The following PPFIBP1 variants were observed in gnomAD, a reference collection of about 807,000 sequenced individuals.
PPFIBP1 encodes liprin-beta-1.
Under a neutral mutation model 137.8 loss-of-function variants are expected in PPFIBP1, and 112 were observed. That is an observed-to-expected ratio of 0.81 (90% confidence interval 0.70 to 0.95). The LOEUF (loss-of-function observed/expected upper bound fraction) is 0.95. Ranked by LOEUF, PPFIBP1 falls within the 40% of genes least tolerant of loss-of-function variation. The pLI is 0.00. For synonymous variants in PPFIBP1, 378 were observed against 417.3 expected (o/e 0.91, Z 1.15); for missense variants, 1,083 against 1,196.6 (o/e 0.91, Z 1.40).
At chr12:27,598,579 C>T (rs1381626586) in intron 2 of PPFIBP1, among the ~76,000 whole-genome samples, 4 of 147,778 alleles carry the variant, frequency 2.7e-5, no homozygotes, top group East Asian at 2.0e-4. Context: ...TGTGTGTGTA[C>T]ACAACTTTGA....
chr12:27,646,933 C>A (rs144265307), intron 5 of PPFIBP1, among the ~76,000 whole-genome samples: 4 of 152,212 alleles, frequency 2.6e-5, no homozygotes, highest in South Asian at 2.1e-4. Flanking sequence ...AGTTGCCCCC[C>A]CTGACTTTGA....
At chr12:27,525,129 G>C (rs1943581283) in intron 1 of PPFIBP1, among the ~76,000 whole-genome samples, 1 of 152,108 alleles carries the variant, frequency 6.6e-6, no homozygotes, top group African/African-American at 2.4e-5. Context: ...AGTTTTAACA[G>C]GGAAACGCGG....
intron 4 of PPFIBP1, among the ~76,000 whole-genome samples, chr12:27,638,753 GAA>G (rs1404908176): frequency 2.6e-5 from 4 of 152,176 alleles, no homozygotes; most frequent in Non-Finnish European, 5.9e-5. Context: ...TTCTTGCAAT[GAA>G]AGAGTACAAA....
At chr12:27,618,456 C>A (rs2056003901) in intron 2 of PPFIBP1, among the ~76,000 whole-genome samples, 1 of 152,232 alleles carries the variant, frequency 6.6e-6, no homozygotes, top group Admixed American at 6.5e-5. Flanking sequence ...GCTTTATCTG[C>A]ATGATAAAAC....
intron 4 of PPFIBP1, chr12:27,635,456 G>T (rs948688333): frequency 2.6e-5 from 11 of 426,244 alleles, no homozygotes; most frequent in Admixed American, 1.9e-4. Flanking sequence ...GTCATATTGG[G>T]TTATTCACCA....
chr12:27,645,882 CTGTCT>C (rs2058441188), intron 4 of PPFIBP1, among the ~76,000 whole-genome samples, 175 bp from the exon 5 acceptor site: 2 of 152,200 alleles, frequency 1.3e-5, no homozygotes, highest in Admixed American at 1.3e-4. Context: ...CTTAACATGC[CTGTCT>C]TACCTCTTTT....
At chr12:27,559,227 A>T (rs535895401) in intron 1 of PPFIBP1, among the ~76,000 whole-genome samples, 1 of 151,734 alleles carries the variant, frequency 6.6e-6, no homozygotes, top group Non-Finnish European at 1.5e-5. Context: ...GCTGGAGTGT[A>T]GTGCAGTCTC....
intron 1 of PPFIBP1, among the ~76,000 whole-genome samples, chr12:27,525,071 A>C (rs899792333): frequency 2.0e-5 from 3 of 152,010 alleles, no homozygotes; most frequent in Non-Finnish European, 2.9e-5. Context: ...TGGCTGCTTG[A>C]GGGGCGAGCT....
intron 1 of PPFIBP1, among the ~76,000 whole-genome samples, chr12:27,534,322 T>G (rs1167480585): frequency 1.3e-5 from 2 of 152,058 alleles, no homozygotes; most frequent in Non-Finnish European, 2.9e-5. Flanking sequence ...GGGATACGAA[T>G]TGAGTAAGTT....
At chr12:27,656,814 G>A in intron 9 of PPFIBP1, 84 bp downstream of exon 9, 1 of 945,070 alleles carries the variant, frequency 1.1e-6, no homozygotes, top group Non-Finnish European at 1.7e-6. Flanking sequence ...AAATCAATGT[G>A]TAGTTTTAGC....
At chr12:27,593,751 C>A in intron 2 of PPFIBP1, 1 of 690,344 alleles carries the variant, frequency 1.4e-6, no homozygotes. Flanking sequence ...GTTGTCAGAG[C>A]CAACGTCCAT....
chr12:27,558,948 G>A (rs1054901080), intron 1 of PPFIBP1, among the ~76,000 whole-genome samples: 2 of 150,346 alleles, frequency 1.3e-5, no homozygotes, highest in Non-Finnish European at 3.0e-5. Context: ...TTGAAGTTTT[G>A]GGCTCAGGTG....
Position 27,679,515 on chromosome 12 carries a change from C to G in PPFIBP1, c.1642C>G (p.His548Asp). The change falls in exon 20 of 30, where the codon CAC becomes GAC. Residue 548 changes from histidine to aspartate, a missense_variant. By Grantham distance (81) the His-to-Asp change is moderately conservative. Transcript: ENST00000228425. ...LAETEKETAEHLDLAGASSRP... is the reference protein window; with the variant it reads ...LAETEKETAEDLDLAGASSRP... Reference sequence around the variant, plus strand: ...TGAAACAGAAAAAGAGACAGCAGAGCACCTAGATCTGGCTGGTGCTTCTTC... The same window carrying G: ...TGAAACAGAAAAAGAGACAGCAGAGGACCTAGATCTGGCTGGTGCTTCTTC... 1 of 1,613,746 alleles carries G rather than the reference C, an allele frequency of 6.2e-7. No homozygotes were observed. The highest frequency in any genetic ancestry group is 8.5e-7 in the Non-Finnish European group (1 of 1,179,868).
intron 1 of PPFIBP1, among the ~76,000 whole-genome samples, chr12:27,552,939 TG>T (rs1335212445): frequency 6.6e-6 from 1 of 152,004 alleles, no homozygotes; most frequent in African/African-American, 2.4e-5. Flanking sequence ...ATCGGACACC[TG>T]GGGGATGGTG....
intron 8 of PPFIBP1, 78 bp downstream of exon 8, chr12:27,654,892 GT>G: frequency 6.7e-7 from 1 of 1,485,194 alleles, no homozygotes; most frequent in Non-Finnish European, 8.9e-7. Flanking sequence ...TAAATAAGAT[GT>G]TTTCTACTTA....
chr12:27,671,349 A>G, intron 13 of PPFIBP1, 82 bp from the exon 14 acceptor site: 1 of 773,074 alleles, frequency 1.3e-6, no homozygotes, highest in African/African-American at 1.8e-5. Context: ...AGACCGTTTA[A>G]TTTTCTTATG....
At chr12:27,551,924 C>G (rs1377845653) in intron 1 of PPFIBP1, among the ~76,000 whole-genome samples, 3 of 152,180 alleles carry the variant, frequency 2.0e-5, no homozygotes, top group Non-Finnish European at 4.4e-5. Flanking sequence ...ACCGAAAGAG[C>G]CTTCAGAACA....
chr12:27,603,967 C>T (rs1028741723), intron 2 of PPFIBP1, among the ~76,000 whole-genome samples: 2 of 152,152 alleles, frequency 1.3e-5, no homozygotes, highest in Admixed American at 6.6e-5. Flanking sequence ...TCAGAGGAAA[C>T]AAGAAAGTAC....
At chr12:27,623,210 C>G (rs928915147) in intron 2 of PPFIBP1, among the ~76,000 whole-genome samples, 8 of 152,116 alleles carry the variant, frequency 5.3e-5, no homozygotes, top group African/African-American at 1.9e-4. Context: ...AGAGCAATAA[C>G]AAGTTGAAAC....
Sources: allele counts gnomAD v4.1 joint callset (sites outside exome capture counted in the v4.1 genomes callset), GRCh38; gene constraint gnomAD v4.1.1; transcripts MANE v1.5; gene names NCBI Gene and HGNC (gene_info 2026-07-23, HGNC 2026-07-21).